The following BICC1 variants were observed in gnomAD, a reference collection of about 807,000 sequenced individuals.
BICC1 encodes protein bicaudal C homolog 1.
Under a neutral mutation model 111.0 loss-of-function variants are expected in BICC1, and 43 were observed. The observed-to-expected ratio is 0.39, with a 90% confidence interval of 0.30 to 0.50. The LOEUF (loss-of-function observed/expected upper bound fraction) is 0.50, where lower values mean the gene tolerates loss of function less well. Among genes scored for constraint, BICC1 ranks in the 20% least tolerant of loss-of-function variants. The pLI is 0.88. For missense variants in BICC1, 1,091 were observed against 1,203.2 expected (o/e 0.91, Z 1.38); for synonymous variants, 467 against 434.4 (o/e 1.07, Z -0.93).
chr10:58,801,107 A>ACTCTATAGT (rs1320184019), intron 14 of BICC1, 61 bp downstream of exon 14: 1 of 1,402,548 alleles, frequency 7.1e-7, no homozygotes, highest in African/African-American at 1.5e-5. Flanking sequence ...TTTGTTCTCA[A>ACTCTATAGT]CTCTATAGTT....
At chr10:58,823,781 A>G in intron 20 of BICC1, 1 of 985,280 alleles carries the variant, frequency 1.0e-6, no homozygotes, top group Non-Finnish European at 1.2e-6. Context: ...AGATGATAAA[A>G]CTTTTCCAGG....
chr10:58,747,189 GAGA>G (rs1447063259), intron 3 of BICC1, among the ~76,000 whole-genome samples: 3 of 152,116 alleles, frequency 2.0e-5, no homozygotes, highest in Non-Finnish European at 2.9e-5. Flanking sequence ...GGATGCCTTA[GAGA>G]AGATTAGCTT....
chr10:58,615,301 T>C (rs1022545125), intron 1 of BICC1, among the ~76,000 whole-genome samples: 5 of 152,204 alleles, frequency 3.3e-5, no homozygotes, highest in Admixed American at 3.3e-4. Context: ...AAATGTGTGA[T>C]TCAAATGGCC....
At chr10:58,767,343 C>T (rs552158043) in intron 3 of BICC1, among the ~76,000 whole-genome samples, 15 of 152,222 alleles carry the variant, frequency 9.9e-5, no homozygotes, top group African/African-American at 3.6e-4. Flanking sequence ...AATTACCTCC[C>T]AAGAGAAAGC....
At chr10:58,733,296 A>G (rs755554070) in intron 3 of BICC1, among the ~76,000 whole-genome samples, 23 of 152,060 alleles carry the variant, frequency 1.5e-4, no homozygotes, top group Non-Finnish European at 2.4e-4. Context: ...GTGAATGAAT[A>G]ATGAATGGAA....
At chr10:58,692,545 G>A (rs1839940701) in intron 2 of BICC1, among the ~76,000 whole-genome samples, 1 of 152,100 alleles carries the variant, frequency 6.6e-6, no homozygotes, top group Non-Finnish European at 1.5e-5. Context: ...AATGAAAAAA[G>A]TAAAACTAAT....
intron 1 of BICC1, among the ~76,000 whole-genome samples, chr10:58,566,290 ATG>A (rs1491231965): frequency 3.3e-3 from 16 of 4,864 alleles, no homozygotes; most frequent in African/African-American, 4.3e-3. Flanking sequence ...AGATACAAAC[ATG>A]TACACACACA....
chr10:58,614,088 T>G (rs944336224), intron 1 of BICC1, among the ~76,000 whole-genome samples: 1 of 152,180 alleles, frequency 6.6e-6, no homozygotes, highest in African/African-American at 2.4e-5. Context: ...TTGATACTAA[T>G]GAATGCAGAC....
At chr10:58,613,877 A>T (rs1845517000) in intron 1 of BICC1, among the ~76,000 whole-genome samples, 1 of 152,190 alleles carries the variant, frequency 6.6e-6, no homozygotes, top group South Asian at 2.1e-4. Context: ...GCCTATTTTG[A>T]TTCATTAGCA....
intron 2 of BICC1, among the ~76,000 whole-genome samples, chr10:58,695,825 A>T (rs1840050839): frequency 6.6e-6 from 1 of 152,198 alleles, no homozygotes; most frequent in Non-Finnish European, 1.5e-5. Flanking sequence ...TTTGTTGGAG[A>T]TGAGATAAAT....
At chr10:58,599,823 T>C (rs1174142611) in intron 1 of BICC1, among the ~76,000 whole-genome samples, 3 of 152,004 alleles carry the variant, frequency 2.0e-5, no homozygotes, top group African/African-American at 7.2e-5. Flanking sequence ...GGGAGGGTGA[T>C]GTAAGAGAGA....
At chr10:58,777,946 G>C (rs1278171089) in intron 3 of BICC1, among the ~76,000 whole-genome samples, 1 of 152,140 alleles carries the variant, frequency 6.6e-6, no homozygotes, top group Admixed American at 6.5e-5. Context: ...TTGGCTGGGT[G>C]TGGTAGCTCA....
At chr10:58,810,790 A>C (rs1843877318) in intron 17 of BICC1, among the ~76,000 whole-genome samples, 1 of 152,202 alleles carries the variant, frequency 6.6e-6, no homozygotes. Flanking sequence ...GAGTAGCTAA[A>C]AACACCTTCC....
chr10:58,703,227 C>T (rs887586665), intron 3 of BICC1, among the ~76,000 whole-genome samples: 5 of 148,638 alleles, frequency 3.4e-5, no homozygotes, highest in Admixed American at 1.4e-4. Flanking sequence ...TGCAGTGGCA[C>T]GATCATGGCT....
intron 3 of BICC1, among the ~76,000 whole-genome samples, chr10:58,715,209 A>C (rs912728886): frequency 4.6e-5 from 7 of 152,198 alleles, no homozygotes; most frequent in Non-Finnish European, 1.0e-4. Flanking sequence ...TGACATTTTT[A>C]TCAAAAGATA....
chr10:58,620,319 C>T (rs1282763479), intron 1 of BICC1, among the ~76,000 whole-genome samples: 1 of 152,138 alleles, frequency 6.6e-6, no homozygotes, highest in Admixed American at 6.5e-5. Context: ...TGACCGTCAC[C>T]ATTACTGTTT....
At chr10:58,648,607 CTCTT>C in intron 2 of BICC1, 1 of 984,768 alleles carries the variant, frequency 1.0e-6, no homozygotes, top group Non-Finnish European at 1.2e-6. Context: ...CTTTCTCTCT[CTCTT>C]TCTCTCTTAC....
chr10:58,706,080 G>C (rs573202318), intron 3 of BICC1, among the ~76,000 whole-genome samples: 20 of 152,162 alleles, frequency 1.3e-4, no homozygotes, highest in Non-Finnish European at 2.5e-4. Context: ...CTGACTCTTA[G>C]ATTGAGAATA....
intron 1 of BICC1, among the ~76,000 whole-genome samples, chr10:58,519,209 T>C (rs1564468548): frequency 6.6e-6 from 1 of 152,182 alleles, no homozygotes; most frequent in Non-Finnish European, 1.5e-5. Context: ...GGCTGTGTTT[T>C]GAGGTGTGTC....
Sources: allele counts gnomAD v4.1 joint callset (sites outside exome capture counted in the v4.1 genomes callset), GRCh38; gene constraint gnomAD v4.1.1; transcripts MANE v1.5; gene names NCBI Gene and HGNC (gene_info 2026-07-23, HGNC 2026-07-21).